The following HECTD4 variants were observed in gnomAD, a reference collection of about 807,000 sequenced individuals.
HECTD4 encodes HECT domain E3 ubiquitin protein ligase 4.
A neutral mutation model predicts 471.5 loss-of-function variants in HECTD4; 114 were observed. That is an observed-to-expected ratio of 0.24 (90% CI 0.21 to 0.28). The LOEUF (loss-of-function observed/expected upper bound fraction) is 0.28, where lower values mean the gene tolerates loss of function less well. HECTD4 is among the 10% of genes least tolerant of loss of function. The pLI is 1.00. For synonymous variants in HECTD4, 2,012 were observed against 2,256.0 expected (o/e 0.89, Z 3.07); for missense variants, 3,866 against 5,651.5 (o/e 0.68, Z 10.13).
At chr12:112,186,857 G>A (rs1195202750) in intron 60 of HECTD4, among the ~76,000 whole-genome samples, 1 of 151,792 alleles carries the variant, frequency 6.6e-6, no homozygotes, top group East Asian at 1.9e-4. Flanking sequence ...TAGCAGAGAT[G>A]GGGTATCGTC....
In HECTD4 at chr12:112,239,158, C is replaced by T. The variant is rs745367579; in HGVS notation, c.5184G>A (p.Glu1728=). The T allele has an allele frequency of 1.2e-6, 2 of 1,613,954 alleles. No individual in the cohort carries two copies. The highest frequency in any genetic ancestry group is 2.2e-5 in the South Asian group (2 of 91,070). The change falls in exon 34 of 76, where the codon GAG becomes GAA. Residue 1728 remains glutamate, a synonymous_variant. Coordinates refer to ENST00000682272, the MANE Select transcript of HECTD4 (RefSeq NM_001388303.1). This position sits in a 1 kb window ranked among gnomAD's most constrained non-coding sequence, Gnocchi z 4.9. The stretch of plus-strand genomic sequence containing the variant: ...TGGTCTGTTTCTCACTGGAGCTGGA[C>T]TCGGTCTGATTGCTCAAGCTACACA... The part of the protein sequence containing the change: ...DRLCSLSNQT[E]SSSSEKQTKK...
At chr12:112,254,350 G>A (rs960019376) in intron 21 of HECTD4, among the ~76,000 whole-genome samples, 188 bp from the exon 22 acceptor site, 1 of 151,996 alleles carries the variant, frequency 6.6e-6, no homozygotes, top group Non-Finnish European at 1.5e-5. Flanking sequence ...ATCAGTCATT[G>A]GTATTTACAG....
chr12:112,323,958 CTT>C (rs2035645346), intron 1 of HECTD4, among the ~76,000 whole-genome samples: 2 of 35,776 alleles, frequency 5.6e-5, no homozygotes, highest in Admixed American at 2.9e-4. Flanking sequence ...TTCTTTCTTT[CTT>C]TCTTTCTTCC....
chr12:112,185,604 C>T lies in HECTD4; in HGVS notation c.9473-111G>A, dbSNP rs147819396. 2.8e-3 allele frequency: 2,138 copies of T among 760,454 alleles called. 19 individuals are homozygous for T. The highest frequency in any genetic ancestry group is 0.021 in the East Asian group (751 of 34,956). 47.1% of individuals were successfully genotyped at this position (760,454 alleles called of 1,614,324 possible). On this transcript the variant is annotated intron_variant, in intron 60 of 75. Transcript: ENST00000682272. ...ATAACAACCCTGTGAACACTGACTG[C>T]GCAATTCAGTCCCTTCTTACAGATG...
At chr12:112,323,950 CTTTCTTTCTTT>C (rs2035641128) in intron 1 of HECTD4, among the ~76,000 whole-genome samples, 1 of 40,324 alleles carries the variant, frequency 2.5e-5, no homozygotes. Flanking sequence ...TGAGGTGCTT[CTTTCTTTCTTT>C]CTTTCTTCCT....
chr12:112,228,045 T>C lies in HECTD4; in HGVS notation c.6854+44A>G. On this transcript the variant is annotated intron_variant, in intron 43 of 75. Coordinates refer to ENST00000682272, the MANE Select transcript of HECTD4 (RefSeq NM_001388303.1). The surrounding 1 kb of genome is among the most constrained non-coding windows in gnomAD (Gnocchi z 4.9). ...ACCAAGGATCCCTTCTTCTGTCAGC[T>C]TGCACCATGTCAGCACATAAGGCAA... 1.3e-6 allele frequency: 2 copies of C among 1,526,172 alleles called. No individual in the cohort carries two copies. Among genetic ancestry groups the C allele is most frequent in the East Asian group, 2.4e-5 (1 of 41,270 alleles). The allele number at this position is 1,526,172 out of a possible 1,614,324, so 94.5% of individuals were successfully genotyped here.
intron 19 of HECTD4, 65 bp from the exon 20 acceptor site, chr12:112,258,661 C>A (rs1274826794): frequency 9.2e-6 from 12 of 1,303,146 alleles, no homozygotes; most frequent in South Asian, 1.4e-5. Context: ...GGTATGACAG[C>A]CAAACTTAGA....
At chr12:112,268,935 C>T (rs1160316249) in intron 13 of HECTD4, among the ~76,000 whole-genome samples, 1 of 113,716 alleles carries the variant, frequency 8.8e-6, no homozygotes, top group African/African-American at 3.5e-5. Flanking sequence ...AGTGCAGTGG[C>T]GCGATCTCGA....
At chr12:112,182,917 A>G in intron 62 of HECTD4, 142 bp downstream of exon 62, 1 of 632,342 alleles carries the variant, frequency 1.6e-6, no homozygotes, top group Non-Finnish European at 2.8e-6. Context: ...ACCCAGGAGT[A>G]GCTGCCAAAT....
chr12:112,342,385 A>G (rs2036068919), intron 1 of HECTD4, among the ~76,000 whole-genome samples: 2 of 152,298 alleles, frequency 1.3e-5, no homozygotes, highest in South Asian at 4.1e-4. Flanking sequence ...TGAGCCTAAG[A>G]GTTTGAGGCT....
At position 112,166,027 on chromosome 12, in the gene HECTD4, T is replaced by C. The variant is rs1332049449; in HGVS notation, c.12534+1290A>G. On this transcript the variant is annotated intron_variant, in intron 72 of 75. Coordinates refer to ENST00000682272, the MANE Select transcript of HECTD4 (RefSeq NM_001388303.1). This position sits in a 1 kb window ranked among gnomAD's most constrained non-coding sequence, Gnocchi z 4.6. The stretch of plus-strand genomic sequence containing the variant: ...TGCACCCCACAACACCATGTGGTTC[T>C]GCATCCCATACCCTCTGGGGCCTTG... Among the ~76,000 whole-genome samples the C allele has an allele frequency of 3.9e-5, 6 of 152,232 alleles. No homozygotes were observed. The highest frequency in any genetic ancestry group is 1.3e-4 in the Admixed American group (2 of 15,290).
intron 1 of HECTD4, among the ~76,000 whole-genome samples, chr12:112,365,744 T>C (rs1323607898): frequency 6.6e-6 from 1 of 151,650 alleles, no homozygotes; most frequent in East Asian, 1.9e-4. Context: ...TAGCAACTGT[T>C]ACTGCTGCTT....
In HECTD4 at chr12:112,172,699, A is replaced by G; in HGVS notation, c.11757T>C (p.Ala3919=). 6.2e-7 allele frequency: 1 copy of G among 1,614,012 alleles called. No individual in the cohort carries two copies. Among genetic ancestry groups the G allele is most frequent in the East Asian group, 2.2e-5 (1 of 44,880 alleles). ...PHEVYLDPAD[A]ADPRVACLLN... The stretch of plus-strand genomic sequence containing the variant: ...GGAGACAGGCCACTCTGGGGTCAGC[A>G]GCATCCGCGGGGTCCAGGTACACCT... Residue 3919 remains alanine (A), a synonymous_variant, in exon 67 of 76, where the codon GCT becomes GCC. Transcript: ENST00000682272.
intron 23 of HECTD4, among the ~76,000 whole-genome samples, chr12:112,251,802 T>C (rs1213976159): frequency 2.0e-5 from 3 of 152,232 alleles, no homozygotes; most frequent in Non-Finnish European, 4.4e-5. Context: ...AGACGGAGTC[T>C]CACTCTATCA....
rs768167314 is a variant in HECTD4, at chr12:112,192,723, A to G, written c.9129T>C (p.Tyr3043=). ...TTCGCTTCACTTTGTGGCCGAGGCC[A>G]TATACGAGCACCCGTGCCCACGGTG... ...YKAPWARVLV[Y]GLGHKVKRNG... The change falls in exon 59 of 76, where the codon TAT becomes TAC. Residue 3043 remains tyrosine, a synonymous_variant. Transcript: ENST00000682272. The G allele has an allele frequency of 1.3e-6, 2 of 1,596,802 alleles. No homozygotes were observed. The highest frequency in any genetic ancestry group is 2.3e-5 in the East Asian group (1 of 44,204).
rs137996913 is a variant in HECTD4, at chr12:112,264,739, A to C, written c.2619+436T>G. On this transcript the variant is annotated intron_variant, in intron 16 of 75. Coordinates refer to ENST00000682272, the MANE Select transcript of HECTD4 (RefSeq NM_001388303.1). ...TGTCTAGTTCTACATTTCTAGGGTA[A>C]GTAGTAATCCACGGACTTTCATAAA... Among the ~76,000 whole-genome samples, 31 of 152,376 alleles carry C rather than the reference A, an allele frequency of 2.0e-4. No homozygotes were observed. The East Asian group carries it at 5.8e-3, about 28-fold the overall frequency.
chr12:112,175,573 G>A (rs1417481475), intron 66 of HECTD4, among the ~76,000 whole-genome samples, 163 bp downstream of exon 66: 1 of 152,230 alleles, frequency 6.6e-6, no homozygotes, highest in Non-Finnish European at 1.5e-5. Context: ...TTACAAATGG[G>A]TTAGAAAACC....
chr12:112,196,927 C>T (rs1247880878), intron 55 of HECTD4, among the ~76,000 whole-genome samples: 5 of 152,096 alleles, frequency 3.3e-5, no homozygotes, highest in Non-Finnish European at 7.4e-5. Flanking sequence ...TCCCAAGTAG[C>T]GGGGATTACA....
chr12:112,247,135 A>G, intron 28 of HECTD4, 59 bp from the exon 29 acceptor site: 2 of 1,202,550 alleles, frequency 1.7e-6, no homozygotes, highest in Non-Finnish European at 2.3e-6. Flanking sequence ...AACAACTATT[A>G]AAAAAAAATG....
Sources: gnomAD v4.1 joint callset for allele counts (sites outside exome capture counted in the v4.1 genomes callset) on GRCh38, gnomAD v4.1.1 for gene constraint, Gnocchi (gnomAD v3.1) non-coding constraint, MANE v1.5 for transcripts, NCBI Gene and HGNC (gene_info 2026-07-23, HGNC 2026-07-21) for gene names.